PAN3: variants seen among roughly 807,000 people sequenced by gnomAD.
The protein encoded by PAN3 is PAN2-PAN3 deadenylation complex subunit PAN3.
A neutral mutation model predicts 96.2 loss-of-function variants in PAN3; 19 were observed. That is an observed-to-expected ratio of 0.20 (90% CI 0.14 to 0.29). The LOEUF (loss-of-function observed/expected upper bound fraction) is 0.29. PAN3 is among the 10% of genes least tolerant of loss of function. The pLI, the probability that PAN3 is intolerant of heterozygous loss-of-function variation, is 1.00. For missense variants in PAN3, 882 were observed against 1,108.1 expected, an observed-to-expected ratio of 0.80 and a Z score of 2.90; for synonymous variants, 433 against 406.6, an observed-to-expected ratio of 1.06 and a Z score of -0.78.
intron 6 of PAN3, among the ~76,000 whole-genome samples, chr13:28,221,885 G>T (rs1881451112): frequency 6.6e-6 from 1 of 152,146 alleles, no homozygotes; most frequent in African/African-American, 2.4e-5. Context: ...AGCATAATCT[G>T]CAAATGAGCT....
rs372605990 is a variant in PAN3 at position 28,252,182 on chromosome 13, C to T, written c.1001-4110C>T. ...GGATTATATGTGTGAGCCACTGCGA[C>T]GGGCCCTTTTTTTTTTTTTTTTTTT... is the stretch of plus-strand genomic sequence containing the variant. On this transcript the variant is annotated intron_variant, in intron 6 of 18. Coordinates refer to ENST00000380958, the MANE Select transcript of PAN3 (RefSeq NM_175854.8). Among the ~76,000 whole-genome samples, 332 of 140,294 alleles carry T rather than the reference C, an allele frequency of 2.4e-3. 1 individual carries two copies. The highest frequency in any genetic ancestry group is 6.6e-3 in the African/African-American group (238 of 36,302). The allele number at this position is 140,294 out of a possible 152,430, so 92.0% of individuals were successfully genotyped here. A position where few individuals can be genotyped will look rare whatever the true frequency, so the allele number is the denominator to read the frequency against.
intron 12 of PAN3, among the ~76,000 whole-genome samples, chr13:28,270,246 CA>C (rs879800260): frequency 1.3e-5 from 2 of 152,070 alleles, no homozygotes; most frequent in Non-Finnish European, 2.9e-5. Context: ...ATAAGGAAAA[CA>C]AACATTCAAC....
intron 4 of PAN3, among the ~76,000 whole-genome samples, chr13:28,187,050 C>T (rs1008377570): frequency 4.0e-5 from 6 of 151,742 alleles, no homozygotes; most frequent in African/African-American, 1.2e-4. Context: ...AAAAAGCCCT[C>T]GTGAGATGAC....
At chr13:28,242,699 T>C (rs1235218255) in intron 6 of PAN3, among the ~76,000 whole-genome samples, 2 of 152,186 alleles carry the variant, frequency 1.3e-5, no homozygotes, top group Admixed American at 1.3e-4. Flanking sequence ...TGTGGGTACA[T>C]GAAGCATCAT....
At chr13:28,152,499 G>A (rs564502199) in intron 1 of PAN3, among the ~76,000 whole-genome samples, 16 of 152,068 alleles carry the variant, frequency 1.1e-4, no homozygotes, top group East Asian at 3.9e-4. Context: ...CAAGAGAATC[G>A]CTTGAACCCA....
Position 28,141,008 on chromosome 13 carries a change from T to TATTTTTA in PAN3, c.430+1921_430+1922insATTTTTA, listed in dbSNP as rs201496284. ...CTTACTGACAGAAAGAGACACTTTT[T>TATTTTTA]TTTTTTTTTTTTTTGAGACGGAGGC... On this transcript the variant is annotated intron_variant, in intron 1 of 18. Coordinates refer to ENST00000380958, the MANE Select transcript of PAN3 (RefSeq NM_175854.8). Among the ~76,000 whole-genome samples, 75 of 128,604 alleles carry TATTTTTA rather than the reference T, an allele frequency of 5.8e-4. No individual in the cohort carries two copies. The East Asian group carries it at 0.023, about 39-fold the overall frequency. The allele number at this position is 128,604 out of a possible 152,430, so 84.4% of individuals were successfully genotyped here. A position where few individuals can be genotyped will look rare whatever the true frequency, so the allele number is the denominator to read the frequency against.
intron 7 of PAN3, 144 bp downstream of exon 7, chr13:28,256,683 CT>C: frequency 1.1e-6 from 1 of 884,560 alleles, no homozygotes; most frequent in Non-Finnish European, 1.7e-6. Flanking sequence ...AGTCTAGTCT[CT>C]TCTTCTCAAC....
intron 6 of PAN3, chr13:28,232,613 T>A (rs754437950): frequency 2.6e-5 from 4 of 151,884 alleles, no homozygotes; most frequent in Non-Finnish European, 5.9e-5. Context: ...TTATAATATA[T>A]TTTTAAAAAA....
intron 4 of PAN3, among the ~76,000 whole-genome samples, chr13:28,196,665 A>T (rs1236113192): frequency 1.3e-5 from 2 of 151,956 alleles, no homozygotes; most frequent in African/African-American, 4.8e-5. Context: ...AAAATTTTTT[A>T]AAAATCAATT....
At chr13:28,237,207 T>A (rs1485845266) in intron 6 of PAN3, among the ~76,000 whole-genome samples, 2 of 145,300 alleles carry the variant, frequency 1.4e-5, no homozygotes, top group Non-Finnish European at 3.0e-5. Flanking sequence ...TTTTTTTTTT[T>A]ACATGTTAAG....
chr13:28,176,416 GAGCC>G lies in PAN3; in HGVS notation c.553-74_553-71del, dbSNP rs1875000644. 1.1e-5 allele frequency: 14 copies of G among 1,298,228 alleles called. No individual in the cohort carries two copies. In the East Asian group the frequency reaches 3.2e-4, roughly 30 times the overall value. The allele number at this position is 1,298,228 out of a possible 1,614,324, so 80.4% of individuals were successfully genotyped here. ...TAGATTGGAGGGGAAGAAGCAAAGA[GAGCC>G]AGTCTTAATTGGTTGGATACTTTTA... On this transcript the variant is annotated intron_variant, in intron 2 of 18. Coordinates refer to ENST00000380958, the MANE Select transcript of PAN3 (RefSeq NM_175854.8).
intron 1 of PAN3, among the ~76,000 whole-genome samples, chr13:28,151,095 A>G (rs1345316846): frequency 6.6e-6 from 1 of 152,242 alleles, no homozygotes; most frequent in Non-Finnish European, 1.5e-5. Flanking sequence ...GCCAGTCATC[A>G]GGAGAAAGAG....
rs1037586382 is a variant in PAN3 at position 28,139,207 on chromosome 13, C to T, written c.430+120C>T. On this transcript the variant is annotated intron_variant, in intron 1 of 18. Transcript: ENST00000380958. ...GGGCTCCCCCCCTCACCTCCCAAGG[C>T]GGTCTGAGAGGCCTAGGCCGGGCCT... The T allele has an allele frequency of 2.8e-5, 32 of 1,138,320 alleles. No individual in the cohort carries two copies. In the African/African-American group the frequency reaches 4.5e-4, roughly 16 times the overall value. 70.5% of individuals were successfully genotyped at this position (1,138,320 alleles called of 1,614,324 possible). A position where few individuals can be genotyped will look rare whatever the true frequency, so the allele number is the denominator to read the frequency against.
At chr13:28,148,850 T>C (rs1421350635) in intron 1 of PAN3, among the ~76,000 whole-genome samples, 1 of 152,228 alleles carries the variant, frequency 6.6e-6, no homozygotes. Flanking sequence ...TTCTCGTGGC[T>C]GTGTAAATAT....
chr13:28,223,553 TTTTTTTTG>T (rs972404964), intron 6 of PAN3, among the ~76,000 whole-genome samples: 3 of 152,074 alleles, frequency 2.0e-5, no homozygotes, highest in African/African-American at 7.2e-5. Flanking sequence ...ACCACTGTTT[TTTTTTTTG>T]TTTTTTGTTT....
chr13:28,210,335 G>A (rs1356731760), intron 5 of PAN3, among the ~76,000 whole-genome samples: 3 of 151,996 alleles, frequency 2.0e-5, no homozygotes, highest in Non-Finnish European at 2.9e-5. Context: ...TCATTTGCCG[G>A]GTTCCAACAT....
At chr13:28,227,402 A>T (rs1882114430) in intron 6 of PAN3, among the ~76,000 whole-genome samples, 1 of 152,014 alleles carries the variant, frequency 6.6e-6, no homozygotes, top group African/African-American at 2.4e-5. Context: ...TAGGGGCTGG[A>T]TGGGAGTGGG....
chr13:28,190,046 T>G (rs909166786), intron 4 of PAN3, among the ~76,000 whole-genome samples: 1 of 152,106 alleles, frequency 6.6e-6, no homozygotes, highest in Non-Finnish European at 1.5e-5. Context: ...CGGGTTCAAG[T>G]GATTCCCCTG....
intron 1 of PAN3, among the ~76,000 whole-genome samples, chr13:28,166,183 C>G (rs1488089883): frequency 6.6e-6 from 1 of 152,196 alleles, no homozygotes; most frequent in Non-Finnish European, 1.5e-5. Flanking sequence ...AGGCAAATTG[C>G]TCTCCAGCTA....
Sources: allele counts gnomAD v4.1 joint callset (sites outside exome capture counted in the v4.1 genomes callset), GRCh38; gene constraint gnomAD v4.1.1; transcripts MANE v1.5; gene names NCBI Gene and HGNC (gene_info 2026-07-23, HGNC 2026-07-21).